The following IL1RAPL2 variants were observed in gnomAD, a reference collection of about 807,000 sequenced individuals.
The protein encoded by IL1RAPL2 is interleukin 1 receptor accessory protein like 2, also known as X-linked interleukin-1 receptor accessory protein-like 2.
Under a neutral mutation model 44.1 loss-of-function variants are expected in IL1RAPL2, and 3 were observed. That is an observed-to-expected ratio of 0.07 (90% confidence interval 0.03 to 0.18). IL1RAPL2 has a LOEUF of 0.18. IL1RAPL2 is among the 10% of genes least tolerant of loss of function. The probability of loss-of-function intolerance (pLI) is 1.00; values close to 1 mark genes in which losing one functional copy is unlikely to be tolerated. For missense variants in IL1RAPL2, 391 were observed against 496.4 expected (o/e 0.79, Z 2.02); for synonymous variants, 181 against 178.8 (o/e 1.01, Z -0.10).
intron 2 of IL1RAPL2, among the ~76,000 whole-genome samples, chrX:104,703,883 A>G (rs1022705737): frequency 1.8e-5 from 2 of 112,250 alleles, no homozygotes; most frequent in African/African-American, 6.5e-5. Flanking sequence ...GCCTGCTAGG[A>G]TGTCAATCTC....
intron 2 of IL1RAPL2, among the ~76,000 whole-genome samples, chrX:105,190,787 A>G (rs1358917544): frequency 1.8e-5 from 2 of 112,495 alleles, no homozygotes; most frequent in African/African-American, 3.2e-5. Flanking sequence ...AAATAATGTT[A>G]TAATTGTTGA....
intron 2 of IL1RAPL2, among the ~76,000 whole-genome samples, chrX:104,756,198 G>A (rs771217629): frequency 9.0e-6 from 1 of 111,354 alleles, no homozygotes; most frequent in South Asian, 3.7e-4. Flanking sequence ...GCATCTAACA[G>A]ATTTACTTGT....
chrX:104,849,545 A>G (rs759661908), intron 2 of IL1RAPL2, among the ~76,000 whole-genome samples: 8 of 108,413 alleles, frequency 7.4e-5, no homozygotes, highest in East Asian at 2.9e-4. Flanking sequence ...CGTTTTGTCA[A>G]TAACACAGAA....
At chrX:105,440,393 A>G (rs1342642590) in intron 5 of IL1RAPL2, among the ~76,000 whole-genome samples, 1 of 112,164 alleles carries the variant, frequency 8.9e-6, no homozygotes, top group African/African-American at 3.2e-5. Flanking sequence ...TTCAATAGTG[A>G]AGTCACAATT....
At chrX:104,715,517 G>C (rs1456250323) in intron 2 of IL1RAPL2, among the ~76,000 whole-genome samples, 1 of 100,399 alleles carries the variant, frequency 1.0e-5, no homozygotes, top group African/African-American at 3.6e-5. Context: ...ATTATTTCTT[G>C]TCTTCTGATA....
At chrX:105,373,631 C>T (rs2035361865) in intron 5 of IL1RAPL2, among the ~76,000 whole-genome samples, 1 of 111,473 alleles carries the variant, frequency 9.0e-6, no homozygotes, top group African/African-American at 3.3e-5. Flanking sequence ...AGTTGTCTTC[C>T]ATGGTTTTCA....
intron 2 of IL1RAPL2, among the ~76,000 whole-genome samples, chrX:105,113,277 T>C (rs1420069087): frequency 8.9e-6 from 1 of 112,475 alleles, no homozygotes; most frequent in Non-Finnish European, 1.9e-5. Context: ...TATGTGCCAC[T>C]ACTGGGCACT....
At chrX:104,964,279 GATTTATTT>G (rs199756067) in intron 2 of IL1RAPL2, among the ~76,000 whole-genome samples, 34,734 of 100,577 alleles carry the variant, frequency 0.35, 5,519 homozygotes, top group Non-Finnish European at 0.44. Flanking sequence ...TTGTGCCAGG[GATTTATTT>G]ATTTATTTAT....
chrX:104,638,551 G>A (rs986663942), intron 1 of IL1RAPL2, among the ~76,000 whole-genome samples: 5 of 111,779 alleles, frequency 4.5e-5, no homozygotes, highest in African/African-American at 1.6e-4. Context: ...TTAGGATGAT[G>A]TGTTTCCATT....
At chrX:105,025,062 TA>T (rs2031345314) in intron 2 of IL1RAPL2, among the ~76,000 whole-genome samples, 1 of 110,747 alleles carries the variant, frequency 9.0e-6, no homozygotes, top group Admixed American at 9.6e-5. Flanking sequence ...GTAGGGGGAT[TA>T]TTATAGACAA....
At chrX:104,813,513 C>T (rs1287634259) in intron 2 of IL1RAPL2, among the ~76,000 whole-genome samples, 1 of 111,216 alleles carries the variant, frequency 9.0e-6, no homozygotes, top group Non-Finnish European at 1.9e-5. Context: ...GTTGTATGTA[C>T]AGTCACTCAT....
intron 2 of IL1RAPL2, among the ~76,000 whole-genome samples, chrX:105,031,869 G>C (rs1462237958): frequency 2.7e-5 from 3 of 111,464 alleles, no homozygotes; most frequent in African/African-American, 9.8e-5. Flanking sequence ...ACTTTTTTTG[G>C]TTGGTAAGCT....
At chrX:105,501,099 C>G (rs1205717954) in intron 6 of IL1RAPL2, among the ~76,000 whole-genome samples, 1 of 111,630 alleles carries the variant, frequency 9.0e-6, no homozygotes, top group Non-Finnish European at 1.9e-5. Context: ...AGCACTGTGC[C>G]TGATGCTCAG....
intron 2 of IL1RAPL2, among the ~76,000 whole-genome samples, chrX:104,973,158 C>A (rs895806367): frequency 9.0e-6 from 1 of 111,560 alleles, no homozygotes; most frequent in Admixed American, 9.6e-5. Flanking sequence ...ACTTGTGAAT[C>A]TAGCCTAAAT....
At chrX:104,786,387 A>T (rs1462069769) in intron 2 of IL1RAPL2, among the ~76,000 whole-genome samples, 1 of 112,150 alleles carries the variant, frequency 8.9e-6, no homozygotes, top group Admixed American at 9.5e-5. Flanking sequence ...TATAGAAATT[A>T]TCATATAGTT....
At chrX:105,072,947 C>T (rs1374944706) in intron 2 of IL1RAPL2, among the ~76,000 whole-genome samples, 4 of 110,655 alleles carry the variant, frequency 3.6e-5, no homozygotes, top group African/African-American at 1.3e-4. Context: ...ATGATGGTTT[C>T]CAGCTTCATC....
At chrX:105,583,634 A>T (rs1284590755) in intron 6 of IL1RAPL2, among the ~76,000 whole-genome samples, 1 of 111,483 alleles carries the variant, frequency 9.0e-6, no homozygotes, top group Non-Finnish European at 1.9e-5. Flanking sequence ...GTTTCATATA[A>T]ATCATGTTTC....
chrX:105,387,409 A>G (rs895145201), intron 5 of IL1RAPL2, among the ~76,000 whole-genome samples: 2 of 109,291 alleles, frequency 1.8e-5, no homozygotes, highest in Non-Finnish European at 3.8e-5. Context: ...TAATTTTTGT[A>G]TTTTTAGTAG....
chrX:105,337,174 A>G (rs1287755515), intron 5 of IL1RAPL2, among the ~76,000 whole-genome samples: 1 of 112,177 alleles, frequency 8.9e-6, no homozygotes, highest in African/African-American at 3.2e-5. Flanking sequence ...TATATAATAG[A>G]TAGTTAGGCA....
Sources: gnomAD v4.1 joint callset for allele counts (sites outside exome capture counted in the v4.1 genomes callset) on GRCh38, gnomAD v4.1.1 for gene constraint, MANE v1.5 for transcripts, NCBI Gene and HGNC (gene_info 2026-07-23, HGNC 2026-07-21) for gene names.